The following GRIN2A variants were observed in gnomAD, a reference collection of about 807,000 sequenced individuals.
The protein encoded by GRIN2A is glutamate receptor ionotropic, NMDA 2A.
Under a neutral mutation model 113.4 loss-of-function variants are expected in GRIN2A, and 22 were observed. The ratio of observed to expected loss-of-function variants is 0.19; its 90% CI spans 0.14 to 0.28. The LOEUF (loss-of-function observed/expected upper bound fraction) is 0.28, where lower values mean the gene tolerates loss of function less well. Ranked by LOEUF, GRIN2A falls within the 10% of genes least tolerant of loss-of-function variation. The pLI is 1.00. For synonymous variants in GRIN2A, 827 were observed against 738.4 expected, an observed-to-expected ratio of 1.12 and a Z score of -1.94; for missense variants, 1,502 against 1,887.0, an observed-to-expected ratio of 0.80 and a Z score of 3.78.
intron 5 of GRIN2A, among the ~76,000 whole-genome samples, chr16:9,845,150 T>A (rs1445727901): frequency 6.6e-6 from 1 of 152,112 alleles, no homozygotes; most frequent in Non-Finnish European, 1.5e-5. Context: ...AAACTCCTCA[T>A]ATCCCCAAGC....
At chr16:10,008,459 A>G (rs981540047) in intron 2 of GRIN2A, among the ~76,000 whole-genome samples, 4 of 152,218 alleles carry the variant, frequency 2.6e-5, no homozygotes, top group African/African-American at 7.2e-5. Context: ...TTTGTAGAGC[A>G]TAAGAAGTGG....
At chr16:10,155,289 GGAA>G (rs146584829) in intron 2 of GRIN2A, among the ~76,000 whole-genome samples, 10,054 of 152,226 alleles carry the variant, frequency 0.066, 480 homozygotes, top group Non-Finnish European at 0.11. Flanking sequence ...TGAGTTTGCA[GGAA>G]GAAGTTTTAT....
chr16:9,803,855 G>T (rs1302219191), intron 10 of GRIN2A, among the ~76,000 whole-genome samples: 2 of 152,216 alleles, frequency 1.3e-5, no homozygotes, highest in African/African-American at 4.8e-5. Context: ...CATAAGACTT[G>T]TAGAGTAAAT....
chr16:9,861,430 C>A (rs1245754231), intron 4 of GRIN2A, among the ~76,000 whole-genome samples: 1 of 152,170 alleles, frequency 6.6e-6, no homozygotes, highest in African/African-American at 2.4e-5. Context: ...ATTAGCATCA[C>A]TTCCATGCCG....
chr16:10,009,815 C>T (rs2046472352), intron 2 of GRIN2A, among the ~76,000 whole-genome samples: 1 of 152,084 alleles, frequency 6.6e-6, no homozygotes, highest in Non-Finnish European at 1.5e-5. Context: ...TCTGTTCCTG[C>T]ATAGAACAGA....
intron 2 of GRIN2A, among the ~76,000 whole-genome samples, chr16:10,151,526 G>C (rs1414854270): frequency 2.0e-5 from 3 of 152,178 alleles, no homozygotes; most frequent in Non-Finnish European, 4.4e-5. Flanking sequence ...CAATTCAAAA[G>C]TTACAGGGCC....
intron 11 of GRIN2A, among the ~76,000 whole-genome samples, chr16:9,779,747 A>C (rs904249073): frequency 1.1e-5 from 1 of 94,550 alleles, no homozygotes. Flanking sequence ...CTTTGATGAC[A>C]TCCTCCCGCT....
At chr16:9,781,348 C>A (rs548358702) in intron 11 of GRIN2A, among the ~76,000 whole-genome samples, 1 of 152,138 alleles carries the variant, frequency 6.6e-6, no homozygotes, top group Non-Finnish European at 1.5e-5. Context: ...ATTACTATTA[C>A]TTTAGATGGA....
chr16:9,824,251 T>C (rs1047070120), intron 9 of GRIN2A, among the ~76,000 whole-genome samples: 6 of 152,216 alleles, frequency 3.9e-5, no homozygotes, highest in African/African-American at 7.2e-5. Context: ...TGTGTGTGTA[T>C]GTGAACAGCA....
At chr16:9,881,547 G>C (rs2043481005) in intron 4 of GRIN2A, among the ~76,000 whole-genome samples, 1 of 152,142 alleles carries the variant, frequency 6.6e-6, no homozygotes. Flanking sequence ...CTTTCCCAAG[G>C]TGATTCTAAT....
intron 11 of GRIN2A, among the ~76,000 whole-genome samples, chr16:9,782,212 T>C (rs913582147): frequency 6.6e-6 from 1 of 152,208 alleles, no homozygotes; most frequent in African/African-American, 2.4e-5. Context: ...TTTTTTCTTG[T>C]CATTGTTTCC....
At chr16:10,052,872 A>C (rs2047382531) in intron 2 of GRIN2A, among the ~76,000 whole-genome samples, 1 of 151,976 alleles carries the variant, frequency 6.6e-6, no homozygotes, top group Non-Finnish European at 1.5e-5. Context: ...ACATGGTGAA[A>C]CCTCATCTCT....
At chr16:9,927,022 C>T (rs1008724824) in intron 3 of GRIN2A, among the ~76,000 whole-genome samples, 2 of 152,018 alleles carry the variant, frequency 1.3e-5, no homozygotes, top group African/African-American at 4.8e-5. Context: ...GATTTAACTT[C>T]TGGCTCCATT....
At chr16:9,991,567 C>G (rs370578311) in intron 2 of GRIN2A, among the ~76,000 whole-genome samples, 1 of 152,124 alleles carries the variant, frequency 6.6e-6, no homozygotes, top group Admixed American at 6.6e-5. Flanking sequence ...CCCTCACCTT[C>G]GAGTCTCCAG....
intron 7 of GRIN2A, among the ~76,000 whole-genome samples, chr16:9,836,456 G>A (rs1173190467): frequency 6.6e-6 from 1 of 152,246 alleles, no homozygotes; most frequent in Non-Finnish European, 1.5e-5. Flanking sequence ...CTATGTGCAT[G>A]TAAGAATCTG....
At chr16:9,977,685 C>G (rs1387841220) in intron 2 of GRIN2A, among the ~76,000 whole-genome samples, 2 of 152,124 alleles carry the variant, frequency 1.3e-5, no homozygotes, top group African/African-American at 4.8e-5. Context: ...AAGTGTCCCA[C>G]TCTCCTCCTC....
chr16:10,121,277 G>A (rs1356319445), intron 2 of GRIN2A: 3 of 152,240 alleles, frequency 2.0e-5, no homozygotes, highest in African/African-American at 7.2e-5. Context: ...TAATCATTTT[G>A]CCCCATGTCT....
At chr16:10,094,883 CAAAAAAAAAA>C (rs58041208) in intron 2 of GRIN2A, among the ~76,000 whole-genome samples, 1,689 of 117,438 alleles carry the variant, frequency 0.014, 25 homozygotes, top group Admixed American at 0.022. Context: ...GAATGTGCAC[CAAAAAAAAAA>C]AAAAAAAAAA....
rs186187332 is a variant in GRIN2A at position 10,005,001 on chromosome 16, T to C, written c.415-66450A>G. Among the ~76,000 whole-genome samples the C allele has an allele frequency of 2.2e-4, 33 of 152,342 alleles. No individual in the cohort carries two copies. The East Asian group carries it at 5.2e-3, about 24-fold the overall frequency. On this transcript the variant is annotated intron_variant, in intron 2 of 12. Coordinates refer to ENST00000330684, the MANE Select transcript of GRIN2A (RefSeq NM_001134407.3). ...GCATTATAAATTAGATGCCCATGAA[T>C]TTTATTGAAAAGACAAAAGTAAAAC...
Sources: allele counts gnomAD v4.1 joint callset (sites outside exome capture counted in the v4.1 genomes callset), GRCh38; gene constraint gnomAD v4.1.1; transcripts MANE v1.5; gene names NCBI Gene and HGNC (gene_info 2026-07-23, HGNC 2026-07-21).